Variants in ABHD12 observed in about 807,000 individuals in gnomAD.
ABHD12 encodes the protein lysophosphatidylserine lipase ABHD12.
In ABHD12, 43 loss-of-function variants were observed where a neutral mutation model predicts 58.3. The ratio of observed to expected loss-of-function variants is 0.74; its 90% CI spans 0.58 to 0.95. The LOEUF (loss-of-function observed/expected upper bound fraction) is 0.95. ABHD12 is among the 40% of genes least tolerant of loss of function. ABHD12 has a pLI of 0.00. For synonymous variants in ABHD12, 219 were observed against 211.2 expected (o/e 1.04, Z -0.32); for missense variants, 539 against 537.2 (o/e 1.00, Z -0.03).
downstream of ABHD12, among the ~76,000 whole-genome samples, chr20:25,298,665 C>T (rs1002301477): frequency 1.3e-5 from 2 of 152,198 alleles, no homozygotes; most frequent in East Asian, 3.8e-4. Context: ...TTGTGCTGGT[C>T]CCTTTGCACC....
At chr20:25,370,141 T>A (rs2089881468) in intron 1 of ABHD12, among the ~76,000 whole-genome samples, 1 of 152,166 alleles carries the variant, frequency 6.6e-6, no homozygotes. Context: ...AAGCTTTCAA[T>A]GCCTTGGGGC....
At chr20:25,334,220 T>A (rs1326137273) in intron 2 of ABHD12, among the ~76,000 whole-genome samples, 2 of 150,946 alleles carry the variant, frequency 1.3e-5, no homozygotes, top group African/African-American at 4.9e-5. Flanking sequence ...TCAAAGAGAA[T>A]AAAATACTTA....
chr20:25,312,379 C>A (rs898258557), intron 6 of ABHD12, among the ~76,000 whole-genome samples: 1 of 152,168 alleles, frequency 6.6e-6, no homozygotes, highest in Admixed American at 6.5e-5. Context: ...CGGGGTTTCG[C>A]TGTGTTGGCC....
intron 1 of ABHD12, among the ~76,000 whole-genome samples, chr20:25,343,721 G>A (rs952533875): frequency 1.3e-4 from 20 of 152,228 alleles, no homozygotes; most frequent in African/African-American, 4.6e-4. Flanking sequence ...GGAGAACCTG[G>A]GAGGCGGAGG....
At chr20:25,325,666 G>T (rs2089162352) in intron 2 of ABHD12, among the ~76,000 whole-genome samples, 1 of 152,122 alleles carries the variant, frequency 6.6e-6, no homozygotes, top group Admixed American at 6.5e-5. Context: ...ATCTCAGGAG[G>T]AGCTGGGCCC....
chr20:25,359,446 C>A (rs2482936), intron 1 of ABHD12, among the ~76,000 whole-genome samples: 3,582 of 43,160 alleles, frequency 0.083, 167 homozygotes, highest in African/African-American at 0.15. Context: ...AAAAAAAAAA[C>A]ATTTCTATTT....
chr20:25,386,603 G>A (rs1040573737), intron 1 of ABHD12, among the ~76,000 whole-genome samples: 4 of 152,110 alleles, frequency 2.6e-5, no homozygotes, highest in African/African-American at 7.2e-5. Flanking sequence ...AAATAGGCCA[G>A]GTGCGGTGGC....
chr20:25,362,836 G>A (rs902259043), intron 1 of ABHD12, among the ~76,000 whole-genome samples: 7 of 151,316 alleles, frequency 4.6e-5, no homozygotes, highest in African/African-American at 7.3e-5. Context: ...CACCACCCCC[G>A]GCTAATTTTG....
chr20:25,305,665 T>TC (rs1163794471), intron 10 of ABHD12, among the ~76,000 whole-genome samples: 1 of 152,010 alleles, frequency 6.6e-6, no homozygotes, highest in Non-Finnish European at 1.5e-5. Flanking sequence ...CCAGCCTACT[T>TC]CCCTCTTTTT....
At chr20:25,298,844 T>C (rs1600754208), downstream of ABHD12, among the ~76,000 whole-genome samples, 5 of 152,302 alleles carry the variant, frequency 3.3e-5, no homozygotes, top group Middle Eastern at 3.4e-3. Context: ...TCAGACCTGG[T>C]CGTGCAGGGG....
chr20:25,329,834 G>A lies in ABHD12; in HGVS notation c.317-6404C>T, dbSNP rs143112395. On this transcript the variant is annotated intron_variant, in intron 2 of 12. Transcript: ENST00000339157. ...CTGATGCAGGCTTACAGGACCTTCCGTATGAAAAAAGGGGATAAGAAAAGA... is the reference window on the plus strand; with the variant it reads ...CTGATGCAGGCTTACAGGACCTTCCATATGAAAAAAGGGGATAAGAAAAGA... Among the ~76,000 whole-genome samples, 37 of 152,138 alleles carry A rather than the reference G, an allele frequency of 2.4e-4. No individual in the cohort carries two copies. The South Asian group carries it at 3.7e-3, about 15-fold the overall frequency.
At chr20:25,360,879 T>C (rs2089737432) in intron 1 of ABHD12, among the ~76,000 whole-genome samples, 1 of 152,234 alleles carries the variant, frequency 6.6e-6, no homozygotes, top group Non-Finnish European at 1.5e-5. Flanking sequence ...GTGGGGCCAC[T>C]GCCCCAATTC....
At chr20:25,339,126 T>C in intron 2 of ABHD12, 101 bp downstream of exon 2, 3 of 1,543,654 alleles carry the variant, frequency 1.9e-6, no homozygotes, top group Non-Finnish European at 1.8e-6. Flanking sequence ...GTATGTAAAC[T>C]AAATCTCCAT....
downstream of ABHD12, chr20:25,296,319 C>T (rs747610569): frequency 6.2e-7 from 1 of 1,603,522 alleles, no homozygotes; most frequent in Non-Finnish European, 8.5e-7. Context: ...ATGTTTTTAG[C>T]AGCCCCAAGC....
At chr20:25,366,914 C>A (rs2089829858) in intron 1 of ABHD12, among the ~76,000 whole-genome samples, 1 of 152,172 alleles carries the variant, frequency 6.6e-6, no homozygotes, top group Non-Finnish European at 1.5e-5. Flanking sequence ...ACCCCACACA[C>A]CTCTCTTCTT....
At chr20:25,358,318 A>G (rs149691056) in intron 1 of ABHD12, among the ~76,000 whole-genome samples, 179 of 152,352 alleles carry the variant, frequency 1.2e-3, no homozygotes, top group African/African-American at 4.1e-3. Context: ...CATTTAGCAC[A>G]AGGATGCTGG....
chr20:25,303,265 C>G (rs1600761309), intron 11 of ABHD12: 15 of 1,268,908 alleles, frequency 1.2e-5, no homozygotes, highest in Non-Finnish European at 1.5e-5. Flanking sequence ...CTGATAACCC[C>G]TGTGTGAGGA....
chr20:25,368,185 G>A (rs1405600812), intron 1 of ABHD12: 1 of 1,075,370 alleles, frequency 9.3e-7, no homozygotes, highest in Non-Finnish European at 1.4e-6. Context: ...AAAGATTCTA[G>A]GATACTGAGA....
intron 2 of ABHD12, among the ~76,000 whole-genome samples, chr20:25,335,716 C>T (rs1295315611): frequency 6.7e-6 from 1 of 148,548 alleles, no homozygotes; most frequent in African/African-American, 2.5e-5. Flanking sequence ...ATCAAAAAAC[C>T]AAACACCGCA....
Sources: gnomAD v4.1 joint callset for allele counts (sites outside exome capture counted in the v4.1 genomes callset) on GRCh38, gnomAD v4.1.1 for gene constraint, MANE v1.5 for transcripts, NCBI Gene and HGNC (gene_info 2026-07-23, HGNC 2026-07-21) for gene names.